Variants in RABGAP1L observed in about 807,000 individuals in gnomAD.
RABGAP1L encodes the protein RAB GTPase activating protein 1 like.
A neutral mutation model predicts 137.7 loss-of-function variants in RABGAP1L; 63 were observed. The ratio of observed to expected loss-of-function variants is 0.46; its 90% CI spans 0.37 to 0.56. The LOEUF (loss-of-function observed/expected upper bound fraction) is 0.56, where lower values mean the gene tolerates loss of function less well. RABGAP1L is among the 20% of genes least tolerant of loss of function. The pLI, the probability that RABGAP1L is intolerant of heterozygous loss-of-function variation, is 0.00. For synonymous variants in RABGAP1L, 431 were observed against 433.7 expected (o/e 0.99, Z 0.08); for missense variants, 1,095 against 1,244.0 (o/e 0.88, Z 1.80).
intron 19 of RABGAP1L, among the ~76,000 whole-genome samples, chr1:174,841,826 T>G (rs1693438670): frequency 1.3e-5 from 2 of 151,892 alleles, no homozygotes; most frequent in African/African-American, 4.8e-5. Flanking sequence ...TTTAGATAAC[T>G]AGAAAATCTA....
At chr1:174,518,726 A>T (rs1263609284) in intron 13 of RABGAP1L, among the ~76,000 whole-genome samples, 4 of 152,210 alleles carry the variant, frequency 2.6e-5, no homozygotes, top group African/African-American at 9.7e-5. Context: ...GTTGGCTGCT[A>T]GTTGTATAAA....
At chr1:174,305,390 AT>A (rs1558116936) in intron 11 of RABGAP1L, among the ~76,000 whole-genome samples, 1 of 151,860 alleles carries the variant, frequency 6.6e-6, no homozygotes, top group Non-Finnish European at 1.5e-5. Flanking sequence ...AATTATTTTT[AT>A]TTTTTATTTT....
intron 1 of RABGAP1L, among the ~76,000 whole-genome samples, chr1:174,181,194 T>C (rs1292748040): frequency 2.6e-5 from 4 of 152,124 alleles, no homozygotes; most frequent in Non-Finnish European, 4.4e-5. Flanking sequence ...TTTAAAGAGA[T>C]GAGGTCTTGC....
intron 13 of RABGAP1L, among the ~76,000 whole-genome samples, chr1:174,507,555 G>A (rs562929000): frequency 2.0e-5 from 3 of 152,142 alleles, no homozygotes; most frequent in East Asian, 1.9e-4. Context: ...AGTATTATTA[G>A]TGGTTTCAAA....
rs2148803247 is a variant in RABGAP1L, at chr1:174,793,362, C to T, written c.2212-18470C>T. ...TTTAAAAACAAAAAACCTTCTTTAA[C>T]AGTTATGCCTTAAATTTTACAAGGT... On this transcript the variant is annotated intron_variant, in intron 18 of 25. Coordinates refer to ENST00000681986, the MANE Select transcript of RABGAP1L (RefSeq NM_001366446.1). Among the ~76,000 whole-genome samples the T allele has an allele frequency of 1.3e-5, 2 of 152,276 alleles. 1 individual carries two copies. Among genetic ancestry groups the T allele is most frequent in the South Asian group, 4.1e-4 (2 of 4,822 alleles).
At chr1:174,987,249 C>T (rs572042618) in intron 24 of RABGAP1L, among the ~76,000 whole-genome samples, 4 of 152,222 alleles carry the variant, frequency 2.6e-5, no homozygotes, top group African/African-American at 4.8e-5. Context: ...ACACTGCAAG[C>T]TCCGCCTCCC....
chr1:174,361,876 C>A (rs1302474419), intron 11 of RABGAP1L, among the ~76,000 whole-genome samples: 1 of 152,128 alleles, frequency 6.6e-6, no homozygotes, highest in Non-Finnish European at 1.5e-5. Flanking sequence ...ATTATTTAAT[C>A]ATCCAGGTAT....
Position 174,328,295 on chromosome 1 carries a change from G to A in RABGAP1L, c.1465+23168G>A, listed in dbSNP as rs142789406. ...ATTCTCCAGAATAGATCATATCTTA[G>A]GCTACAAAATAAGGCTTAACAAATT... On this transcript the variant is annotated intron_variant, in intron 11 of 25. Transcript: ENST00000681986. 5.9e-5 allele frequency among the ~76,000 whole-genome samples: 9 copies of A among 151,728 alleles called. No individual in the cohort carries two copies. In the East Asian group the frequency reaches 1.7e-3, roughly 29 times the overall value.
chr1:174,425,614 G>A (rs995674611), intron 13 of RABGAP1L, among the ~76,000 whole-genome samples: 2 of 151,980 alleles, frequency 1.3e-5, no homozygotes, highest in African/African-American at 4.8e-5. Context: ...TTATAAAATC[G>A]GATAAGTAAA....
At chr1:174,735,473 G>A (rs1050681269) in intron 17 of RABGAP1L, among the ~76,000 whole-genome samples, 16 of 151,224 alleles carry the variant, frequency 1.1e-4, no homozygotes, top group South Asian at 4.2e-4. Flanking sequence ...GGGGCTGGGC[G>A]TGGTGGCTCA....
intron 19 of RABGAP1L, among the ~76,000 whole-genome samples, chr1:174,830,542 T>G (rs1692005042): frequency 1.4e-5 from 2 of 147,354 alleles, no homozygotes; most frequent in Non-Finnish European, 3.0e-5. Flanking sequence ...AGTGGCACGA[T>G]GTCGGCTCAC....
chr1:174,250,505 G>T lies in RABGAP1L; in HGVS notation c.748G>T (p.Ala250Ser). The T allele has an allele frequency of 6.2e-7, 1 of 1,613,240 alleles. No individual in the cohort carries two copies. Among genetic ancestry groups the T allele is most frequent in the Non-Finnish European group, 8.5e-7 (1 of 1,179,502 alleles). ...CAGAATTTTGTACAGTTTCTGTACA[G>T]CATTCAAACGTTCTTCCAGACAAGT... ...VSRILYSFCT[A>S]FKRSSRQVSD... The change falls in exon 6 of 26, where the codon GCA becomes TCA. Residue 250 changes from alanine to serine, a missense_variant. Physicochemically the swap from Ala to Ser is moderately conservative, Grantham distance 99. This residue lies in a region of RABGAP1L where 356 missense variants were observed against 326.3 expected (regional missense o/e 1.09). Transcript: ENST00000681986.
intron 13 of RABGAP1L, among the ~76,000 whole-genome samples, chr1:174,580,862 CAATATTTCTCCAAAGAG>C (rs1668695650): frequency 2.6e-5 from 4 of 152,098 alleles, no homozygotes; most frequent in South Asian, 2.1e-4. Flanking sequence ...AAATTAGAAT[CAATATTTCTCCAAAGAG>C]AATATTTCTC....
At chr1:174,835,802 G>A (rs1039643194) in intron 19 of RABGAP1L, among the ~76,000 whole-genome samples, 6 of 152,228 alleles carry the variant, frequency 3.9e-5, no homozygotes, top group African/African-American at 1.2e-4. Flanking sequence ...ACTGGGCCAA[G>A]GAATGGGAAT....
At chr1:174,978,953 T>A in intron 23 of RABGAP1L, 63 bp downstream of exon 23, 1 of 1,421,738 alleles carries the variant, frequency 7.0e-7, no homozygotes, top group South Asian at 1.6e-5. Flanking sequence ...TAATTTTTTT[T>A]TTTTTGCTTG....
intron 13 of RABGAP1L, among the ~76,000 whole-genome samples, chr1:174,496,045 T>A (rs1053515068): frequency 6.6e-6 from 1 of 152,182 alleles, no homozygotes; most frequent in African/African-American, 2.4e-5. Context: ...ACTTTGAGTT[T>A]AAATTTTTTT....
chr1:174,491,618 C>T (rs1052651452), intron 13 of RABGAP1L, among the ~76,000 whole-genome samples: 1 of 152,096 alleles, frequency 6.6e-6, no homozygotes, highest in African/African-American at 2.4e-5. Context: ...CCCCCCAGTC[C>T]ACTGGCTCTG....
intron 15 of RABGAP1L, among the ~76,000 whole-genome samples, chr1:174,687,754 A>T (rs971507391): frequency 2.6e-5 from 4 of 152,174 alleles, no homozygotes; most frequent in African/African-American, 9.7e-5. Context: ...GCTCCATATT[A>T]ATCACTGTGA....
intron 18 of RABGAP1L, among the ~76,000 whole-genome samples, chr1:174,785,159 G>A (rs981948340): frequency 5.3e-5 from 8 of 152,142 alleles, no homozygotes; most frequent in African/African-American, 1.9e-4. Flanking sequence ...CTGCCTGCCG[G>A]GTTCAAGCAA....
Sources: gnomAD v4.1 joint callset for allele counts (sites outside exome capture counted in the v4.1 genomes callset) on GRCh38, gnomAD v4.1.1 for gene constraint, gnomAD v4.1.1 regional missense constraint, MANE v1.5 for transcripts, NCBI Gene and HGNC (gene_info 2026-07-23, HGNC 2026-07-21) for gene names.